The following NAALADL2 variants were observed in gnomAD, a reference collection of about 807,000 sequenced individuals.
NAALADL2 encodes the protein inactive N-acetylated-alpha-linked acidic dipeptidase-like protein 2.
Under a neutral mutation model 87.2 loss-of-function variants are expected in NAALADL2, and 76 were observed. That is an observed-to-expected ratio of 0.87 (90% CI 0.72 to 1.05). The LOEUF (loss-of-function observed/expected upper bound fraction) is 1.05. Ranked by LOEUF, NAALADL2 falls within the 50% of genes least tolerant of loss-of-function variation. The probability of loss-of-function intolerance (pLI) is 0.00; values close to 1 mark genes in which losing one functional copy is unlikely to be tolerated. For synonymous variants in NAALADL2, 354 were observed against 331.0 expected (o/e 1.07, Z -0.75); for missense variants, 1,089 against 945.8 (o/e 1.15, Z -1.99).
chr3:174,652,066 A>G (rs1299862497), intron 2 of NAALADL2, among the ~76,000 whole-genome samples: 1 of 152,162 alleles, frequency 6.6e-6, no homozygotes, highest in Non-Finnish European at 1.5e-5. Flanking sequence ...AAGTTCAGCA[A>G]AGCTGATGGA....
At chr3:174,711,336 C>G (rs901796702) in intron 2 of NAALADL2, among the ~76,000 whole-genome samples, 1 of 152,128 alleles carries the variant, frequency 6.6e-6, no homozygotes, top group African/African-American at 2.4e-5. Flanking sequence ...ACAAAATTTT[C>G]CATCCCTCCA....
At chr3:175,273,135 T>TTCATTGCA (rs1194991197) in intron 4 of NAALADL2, among the ~76,000 whole-genome samples, 1 of 152,104 alleles carries the variant, frequency 6.6e-6, no homozygotes, top group African/African-American at 2.4e-5. Flanking sequence ...TGCAAAACAT[T>TTCATTGCA]AGGTTTCATG....
At chr3:174,797,628 C>T (rs1324290794) in intron 3 of NAALADL2, among the ~76,000 whole-genome samples, 1 of 151,984 alleles carries the variant, frequency 6.6e-6, no homozygotes, top group South Asian at 2.1e-4. Context: ...TAATGTGATG[C>T]CTCCTGCTTT....
chr3:175,204,540 G>GACAAAGAT (rs958330611), intron 2 of NAALADL2, among the ~76,000 whole-genome samples: 1 of 152,084 alleles, frequency 6.6e-6, no homozygotes. Context: ...ACTGAAACAA[G>GACAAAGAT]ACAAAGATGC....
chr3:175,784,360 G>A (rs1751599910), intron 13 of NAALADL2, among the ~76,000 whole-genome samples: 1 of 151,720 alleles, frequency 6.6e-6, no homozygotes, highest in African/African-American at 2.4e-5. Context: ...GTAAACTATT[G>A]ATTATTGCCA....
intron 5 of NAALADL2, among the ~76,000 whole-genome samples, chr3:175,398,501 G>A (rs1770129283): frequency 2.0e-5 from 3 of 151,858 alleles, no homozygotes; most frequent in African/African-American, 7.3e-5. Context: ...ATGTGCTTTA[G>A]GGCTAAGTTA....
intron 11 of NAALADL2, among the ~76,000 whole-genome samples, chr3:175,670,861 A>C (rs1451989237): frequency 6.6e-6 from 1 of 151,506 alleles, no homozygotes; most frequent in Admixed American, 6.6e-5. Context: ...TTTTCAAAAA[A>C]TTCAACTCAA....
At chr3:174,581,167 A>C (rs1002806702) in intron 2 of NAALADL2, among the ~76,000 whole-genome samples, 3 of 152,208 alleles carry the variant, frequency 2.0e-5, no homozygotes. Context: ...TTCAATCATT[A>C]CACTGTTTTT....
intron 5 of NAALADL2, among the ~76,000 whole-genome samples, chr3:175,330,529 A>G (rs1761272851): frequency 6.6e-6 from 1 of 152,218 alleles, no homozygotes; most frequent in African/African-American, 2.4e-5. Flanking sequence ...GGAATTTTGG[A>G]AGCTATAAAA....
rs1262048783 is a variant in NAALADL2 at position 175,806,706 on chromosome 3, T to TC, written c.*3503_*3504insC. 2.3e-5 allele frequency: 3 copies of TC among 132,896 alleles called. No homozygotes were observed. The highest frequency in any genetic ancestry group is 4.8e-5 in the Non-Finnish European group (3 of 63,084). The allele number at this position is 132,896 out of a possible 1,614,324, so 8.2% of individuals were successfully genotyped here. A position where few individuals can be genotyped will look rare whatever the true frequency, so the allele number is the denominator to read the frequency against. Reference sequence around the variant, plus strand: ...CCATGTATCCTTTTTTTTTTTTTTTTTTTTTTTTAATTCCCACAACAACCC... The same window carrying TC: ...CCATGTATCCTTTTTTTTTTTTTTTTCTTTTTTTTAATTCCCACAACAACCC... On this transcript the variant is annotated 3_prime_UTR_variant, in exon 14 of 14. Transcript: ENST00000454872.
chr3:174,591,155 T>C lies in NAALADL2; in HGVS notation c.-115+40518T>C, dbSNP rs561196077. On this transcript the variant is annotated intron_variant, in intron 2 of 3. Transcript: ENST00000434257. ...GGCTGATCCTCTGGAGACAGACTGC[T>C]CCTTAATCTTGAGATGGACAAATCT... 2.6e-5 allele frequency among the ~76,000 whole-genome samples: 4 copies of C among 152,332 alleles called. No homozygotes were observed. In the East Asian group the frequency reaches 7.7e-4, roughly 29 times the overall value.
At chr3:174,512,711 G>C (rs1457110075) in intron 1 of NAALADL2, among the ~76,000 whole-genome samples, 1 of 151,980 alleles carries the variant, frequency 6.6e-6, no homozygotes, top group Admixed American at 6.6e-5. Context: ...GCAAAGCTCT[G>C]TGTGGCTTCC....
At chr3:175,191,309 G>A (rs1048747655) in intron 2 of NAALADL2, among the ~76,000 whole-genome samples, 1 of 152,112 alleles carries the variant, frequency 6.6e-6, no homozygotes, top group African/African-American at 2.4e-5. Flanking sequence ...AATAGTTGAG[G>A]CAATAAAAAC....
Position 174,931,406 on chromosome 3 carries a change from G to C in NAALADL2, c.43+71956G>C, listed in dbSNP as rs888422986. Among the ~76,000 whole-genome samples, 4 of 152,052 alleles carry C rather than the reference G, an allele frequency of 2.6e-5. 1 individual carries two copies. Among genetic ancestry groups the C allele is most frequent in the African/African-American group, 9.7e-5 (4 of 41,412 alleles). ...TCTCACTTTTCCAAACATAAGATGG[G>C]AACGATACTAAAAGTGCCATATCGT... On this transcript the variant is annotated intron_variant, in intron 1 of 13. Transcript: ENST00000454872.
intron 3 of NAALADL2, among the ~76,000 whole-genome samples, chr3:174,768,339 A>G (rs1458589431): frequency 1.3e-5 from 2 of 152,164 alleles, no homozygotes; most frequent in Non-Finnish European, 2.9e-5. Flanking sequence ...GTGGTTAAGA[A>G]CATAACCTTT....
intron 4 of NAALADL2, among the ~76,000 whole-genome samples, chr3:175,265,588 T>C (rs879933093): frequency 6.6e-6 from 1 of 151,678 alleles, no homozygotes; most frequent in East Asian, 1.9e-4. Flanking sequence ...GTTTGAATTT[T>C]ACTATCTGTT....
chr3:175,692,436 C>G (rs1359048184), intron 11 of NAALADL2, among the ~76,000 whole-genome samples: 1 of 151,998 alleles, frequency 6.6e-6, no homozygotes, highest in African/African-American at 2.4e-5. Context: ...TAGCCCTCAC[C>G]CATTGTGTGG....
intron 9 of NAALADL2, among the ~76,000 whole-genome samples, chr3:175,491,224 T>G (rs1350789129): frequency 1.3e-5 from 2 of 150,074 alleles, no homozygotes; most frequent in South Asian, 2.1e-4. Context: ...TAAATATTAT[T>G]TTATTGTCCT....
intron 5 of NAALADL2, among the ~76,000 whole-genome samples, chr3:175,393,554 AGTT>A (rs1769358330): frequency 1.3e-5 from 2 of 152,114 alleles, no homozygotes; most frequent in Admixed American, 1.3e-4. Flanking sequence ...AAGATTCATC[AGTT>A]GTTAACATGC....
Sources: gnomAD v4.1 joint callset for allele counts (sites outside exome capture counted in the v4.1 genomes callset) on GRCh38, gnomAD v4.1.1 for gene constraint, MANE v1.5 for transcripts, NCBI Gene and HGNC (gene_info 2026-07-23, HGNC 2026-07-21) for gene names.